Variants in WDR49 observed in about 807,000 individuals in gnomAD.
WDR49 encodes WD repeat domain 49.
WDR49 carries 107 observed loss-of-function variants against 119.5 expected under a neutral mutation model. The observed-to-expected ratio is 0.90, with a 90% confidence interval of 0.77 to 1.05. WDR49 has a LOEUF of 1.05. WDR49 is among the 50% of genes least tolerant of loss of function. The pLI, the probability that WDR49 is intolerant of heterozygous loss-of-function variation, is 0.00. For missense variants in WDR49, 1,240 were observed against 1,220.5 expected (o/e 1.02, Z -0.24); for synonymous variants, 425 against 418.8 (o/e 1.01, Z -0.18).
chr3:167,642,037 T>C (rs577469581), intron 2 of WDR49, among the ~76,000 whole-genome samples: 77 of 151,944 alleles, frequency 5.1e-4, no homozygotes, highest in African/African-American at 1.8e-3. Context: ...AATGAGAGGA[T>C]GGGAAGAAAA....
Position 167,616,249 on chromosome 3 carries a change from T to C in WDR49, c.958+4180A>G, listed in dbSNP as rs1457871176. Among the ~76,000 whole-genome samples, 4 of 152,232 alleles carry C rather than the reference T, an allele frequency of 2.6e-5. No homozygotes were observed. In the East Asian group the frequency reaches 7.7e-4, roughly 29 times the overall value. On this transcript the variant is annotated intron_variant, in intron 5 of 18. Coordinates refer to ENST00000682715, the MANE Select transcript of WDR49 (RefSeq NM_001366157.1). ...AGGCTAAATGATCAACAAATATTTATTGTATATTCACTATTTAAAAGGCAT... is the reference window on the plus strand; with the variant it reads ...AGGCTAAATGATCAACAAATATTTACTGTATATTCACTATTTAAAAGGCAT...
chr3:167,493,390 C>A (rs1324482894), intron 18 of WDR49, among the ~76,000 whole-genome samples: 1 of 152,166 alleles, frequency 6.6e-6, no homozygotes, highest in African/African-American at 2.4e-5. Context: ...ACAGCCTTCC[C>A]TGTACCCTCT....
chr3:167,505,561 A>T (rs924803006), intron 16 of WDR49, 145 bp from the exon 17 acceptor site: 1 of 1,201,774 alleles, frequency 8.3e-7, no homozygotes, highest in Non-Finnish European at 1.1e-6. Context: ...ATATTTGTTT[A>T]TACTAATCAA....
At chr3:167,528,949 T>C (rs1752742238) in intron 14 of WDR49, 103 bp downstream of exon 14, 1 of 898,968 alleles carries the variant, frequency 1.1e-6, no homozygotes, top group Non-Finnish European at 1.6e-6. Flanking sequence ...GACTATACAT[T>C]TTTTCCTTTG....
At chr3:167,493,416 G>C (rs934412573) in intron 18 of WDR49, among the ~76,000 whole-genome samples, 2 of 152,168 alleles carry the variant, frequency 1.3e-5, no homozygotes, top group African/African-American at 4.8e-5. Flanking sequence ...GTTCTGCAGT[G>C]AGTTCTGAGA....
At chr3:167,610,755 C>T (rs1013705983) in intron 5 of WDR49, among the ~76,000 whole-genome samples, 5 of 152,168 alleles carry the variant, frequency 3.3e-5, no homozygotes, top group Non-Finnish European at 7.3e-5. Flanking sequence ...GTGCTGGCTT[C>T]AGGTCTCACC....
intron 8 of WDR49, among the ~76,000 whole-genome samples, chr3:167,575,535 A>C (rs150565677): frequency 1.3e-5 from 2 of 152,226 alleles, no homozygotes. Flanking sequence ...ATTATGTTTC[A>C]TGCATATTTC....
intron 18 of WDR49, 31 bp downstream of exon 18, chr3:167,500,122 T>C (rs1751501050): frequency 6.6e-7 from 1 of 1,525,634 alleles, no homozygotes; most frequent in Non-Finnish European, 8.7e-7. Context: ...TGAAGAGGGA[T>C]AATAGAGGTG....
At chr3:167,536,686 C>CATATAT (rs368084455) in intron 11 of WDR49, among the ~76,000 whole-genome samples, 184 bp downstream of exon 11, 213 of 132,572 alleles carry the variant, frequency 1.6e-3, no homozygotes, top group Middle Eastern at 7.7e-3. Flanking sequence ...TCTCAAAATA[C>CATATAT]ATATATATAT....
intron 14 of WDR49, 96 bp from the exon 15 acceptor site, chr3:167,528,113 G>A: frequency 9.7e-7 from 1 of 1,029,130 alleles, no homozygotes; most frequent in Non-Finnish European, 1.4e-6. Flanking sequence ...TTCAAACTTG[G>A]GAACAATAAC....
chr3:167,525,860 AC>A (rs931109577), intron 15 of WDR49, among the ~76,000 whole-genome samples: 37 of 6,094 alleles, frequency 6.1e-3, no homozygotes, highest in Middle Eastern at 0.056. Flanking sequence ...CAAACAAACA[AC>A]AAAAAAAAAC....
intron 18 of WDR49, among the ~76,000 whole-genome samples, chr3:167,495,529 A>G (rs1751319601): frequency 6.6e-6 from 1 of 151,090 alleles, no homozygotes; most frequent in African/African-American, 2.5e-5. Context: ...CCACTTATTA[A>G]AAGAGCATCA....
intron 4 of WDR49, among the ~76,000 whole-genome samples, chr3:167,621,039 C>A (rs1347170247): frequency 6.6e-6 from 1 of 152,136 alleles, no homozygotes; most frequent in African/African-American, 2.4e-5. Context: ...ATGATACAGG[C>A]AATGAGCACT....
intron 4 of WDR49, among the ~76,000 whole-genome samples, chr3:167,620,817 C>T (rs1300754848): frequency 6.6e-6 from 1 of 152,046 alleles, no homozygotes; most frequent in Non-Finnish European, 1.5e-5. Flanking sequence ...GTTTTTAAGA[C>T]ACATTTGTCA....
chr3:167,613,169 A>G (rs1225913573), intron 5 of WDR49, among the ~76,000 whole-genome samples: 3 of 152,222 alleles, frequency 2.0e-5, no homozygotes, highest in South Asian at 4.1e-4. Context: ...ACATAAATAT[A>G]TACACCTACT....
At chr3:167,532,450 T>G (rs1436798674) in intron 12 of WDR49, among the ~76,000 whole-genome samples, 1 of 152,122 alleles carries the variant, frequency 6.6e-6, no homozygotes, top group East Asian at 1.9e-4. Flanking sequence ...CAAGGAATAA[T>G]TTAAGATTTC....
At position 167,500,298 on chromosome 3, in the gene WDR49, A is replaced by G. The variant is rs1751512434; in HGVS notation, c.2886T>C (p.Ser962=). 1 of 1,604,802 alleles carries G rather than the reference A, an allele frequency of 6.2e-7. No homozygotes were observed. The highest frequency in any genetic ancestry group is 8.5e-7 in the Non-Finnish European group (1 of 1,177,136). The change falls in exon 18 of 19, where the codon AGT becomes AGC. Residue 962 remains serine (S), a splice_region_variant and synonymous_variant. Coordinates refer to ENST00000682715, the MANE Select transcript of WDR49 (RefSeq NM_001366157.1). ...CTCCAATGTTTAATGACCTAAATGT[A>G]CCTTCACAACAGCAGGTTTTAGAGG... is the stretch of plus-strand genomic sequence containing the variant. The part of the protein sequence containing the change: ...YYGEVIKKSF[S]TFRSLNIGAL...
chr3:167,531,345 T>C (rs2108242644), intron 12 of WDR49, 66 bp from the exon 13 acceptor site: 1 of 1,555,714 alleles, frequency 6.4e-7, no homozygotes, highest in Non-Finnish European at 8.8e-7. Context: ...CTAATGCCTA[T>C]GAAATAGCAG....
intron 8 of WDR49, among the ~76,000 whole-genome samples, chr3:167,569,776 A>C (rs1256280011): frequency 2.0e-5 from 3 of 152,150 alleles, no homozygotes; most frequent in Non-Finnish European, 2.9e-5. Context: ...ATATATATTC[A>C]CTTGTTTAAG....
Sources: allele counts gnomAD v4.1 joint callset (sites outside exome capture counted in the v4.1 genomes callset), GRCh38; gene constraint gnomAD v4.1.1; transcripts MANE v1.5; gene names NCBI Gene and HGNC (gene_info 2026-07-23, HGNC 2026-07-21).